PINX1: variants seen among roughly 807,000 people sequenced by gnomAD.
PINX1 encodes the protein PIN2 (TERF1) interacting telomerase inhibitor 1.
In PINX1, 34 loss-of-function variants were observed where a neutral mutation model predicts 25.4. That is an observed-to-expected ratio of 1.34 (90% CI 1.02 to 1.78). The LOEUF (loss-of-function observed/expected upper bound fraction) is 1.78. PINX1 is among the 40% of genes most tolerant of loss of function. PINX1 has a pLI of 0.00. For missense variants in PINX1, 592 were observed against 404.9 expected (o/e 1.46, Z -3.97); for synonymous variants, 197 against 147.7 (o/e 1.33, Z -2.42).
chr8:10,834,068 T>C (rs1271094677), intron 2 of PINX1, among the ~76,000 whole-genome samples: 1 of 152,072 alleles, frequency 6.6e-6, no homozygotes, highest in East Asian at 1.9e-4. Flanking sequence ...GGCAAGGGAA[T>C]GAATGAGATC....
At chr8:10,788,751 AC>A (rs1177830755) in intron 6 of PINX1, among the ~76,000 whole-genome samples, 1 of 152,146 alleles carries the variant, frequency 6.6e-6, no homozygotes, top group Non-Finnish European at 1.5e-5. Flanking sequence ...TTGCAGAAAA[AC>A]AAGGCTGAGA....
chr8:10,837,107 G>A (rs577358601), intron 1 of PINX1, among the ~76,000 whole-genome samples: 1 of 152,222 alleles, frequency 6.6e-6, no homozygotes, highest in East Asian at 1.9e-4. Context: ...CGCAGAACTG[G>A]TAAGAGTGGC....
chr8:10,807,329 C>T (rs1210042384), intron 6 of PINX1, among the ~76,000 whole-genome samples: 12 of 63,502 alleles, frequency 1.9e-4, no homozygotes, highest in Non-Finnish European at 2.5e-5. Context: ...CCCCCCCCAC[C>T]CCCCCCCCCA....
In PINX1 at chr8:10,765,778, C is replaced by T. The variant is rs1319843009; in HGVS notation, c.610G>A (p.Glu204Lys). 7 of 1,613,982 alleles carry T rather than the reference C, an allele frequency of 4.3e-6. No homozygotes were observed. Among genetic ancestry groups the T allele is most frequent in the Non-Finnish European group, 5.9e-6 (7 of 1,179,904 alleles). ...QVPVPGSDISETQVERKRGKK... is the reference protein window; with the variant it reads ...QVPVPGSDISKTQVERKRGKK... The stretch of plus-strand genomic sequence containing the variant: ...CCCCTTTTACGTTCCACCTGCGTCT[C>T]AGAAATGTCAGACCCTGGAACTGGA... The change falls in exon 7 of 7, where the codon GAG (glutamate) becomes AAG (lysine). Residue 204 changes from glutamate to lysine, a missense_variant. Transcript: ENST00000314787.
At chr8:10,793,137 C>T (rs752609241) in intron 6 of PINX1, among the ~76,000 whole-genome samples, 92 of 152,148 alleles carry the variant, frequency 6.0e-4, no homozygotes, top group African/African-American at 2.1e-3. Flanking sequence ...CATGATCTTC[C>T]GCTTGAGGTG....
At chr8:10,775,410 G>GTGTTT (rs1801357479) in intron 6 of PINX1, among the ~76,000 whole-genome samples, 1 of 109,594 alleles carries the variant, frequency 9.1e-6, no homozygotes, top group Non-Finnish European at 1.9e-5. Flanking sequence ...CTGTTTTGTG[G>GTGTTT]TTTTTTTTTT....
intron 6 of PINX1, among the ~76,000 whole-genome samples, chr8:10,794,346 T>G (rs1375260870): frequency 6.6e-6 from 1 of 152,198 alleles, no homozygotes; most frequent in African/African-American, 2.4e-5. Context: ...TAACTTTTGT[T>G]TATTCACAAA....
chr8:10,767,344 G>A (rs13270447), intron 6 of PINX1, among the ~76,000 whole-genome samples: 1 of 151,946 alleles, frequency 6.6e-6, no homozygotes, highest in South Asian at 2.1e-4. Flanking sequence ...ATATTAATAT[G>A]TATCAATGGA....
intron 6 of PINX1, among the ~76,000 whole-genome samples, chr8:10,801,605 C>T (rs1563218834): frequency 6.6e-6 from 1 of 152,194 alleles, no homozygotes; most frequent in Non-Finnish European, 1.5e-5. Flanking sequence ...CCTAGATGGT[C>T]TTTTCCAGCT....
chr8:10,782,046 G>C (rs942566867), intron 6 of PINX1, among the ~76,000 whole-genome samples: 6 of 152,058 alleles, frequency 3.9e-5, no homozygotes, highest in African/African-American at 1.5e-4. Context: ...CCACGACATG[G>C]ATGAACCTAG....
At position 10,804,509 on chromosome 8, in the gene PINX1, T is replaced by TA. The variant is rs1462569386; in HGVS notation, c.471+15683dup. On this transcript the variant is annotated intron_variant, in intron 6 of 6. Transcript: ENST00000314787. The stretch of plus-strand genomic sequence containing the variant: ...TGTGTTAAGGGAGCTGCATCTGTCA[T>TA]ACGCTGGGCACTGCTGACATGGGAC... Among the ~76,000 whole-genome samples, 3 of 152,054 alleles carry TA rather than the reference T, an allele frequency of 2.0e-5. No individual in the cohort carries two copies. In the East Asian group the frequency reaches 5.8e-4, roughly 29 times the overall value.
intron 6 of PINX1, among the ~76,000 whole-genome samples, chr8:10,786,893 C>A (rs1801766553): frequency 6.6e-6 from 1 of 152,156 alleles, no homozygotes; most frequent in Non-Finnish European, 1.5e-5. Context: ...CCACTGTGGA[C>A]CCCTAATGGG....
chr8:10,804,247 C>A (rs1454993399), intron 6 of PINX1, among the ~76,000 whole-genome samples: 1 of 152,192 alleles, frequency 6.6e-6, no homozygotes, highest in Admixed American at 6.5e-5. Flanking sequence ...GTGTTAGCCG[C>A]CGGGGGCAGT....
chr8:10,832,168 A>G (rs6988598), intron 3 of PINX1, among the ~76,000 whole-genome samples: 60,903 of 151,988 alleles, frequency 0.4, 14,210 homozygotes, highest in African/African-American at 0.65. Flanking sequence ...AAAATCTTCT[A>G]ATGACTTGCA....
At chr8:10,823,432 G>C (rs1797936461) in intron 5 of PINX1, among the ~76,000 whole-genome samples, 2 of 151,958 alleles carry the variant, frequency 1.3e-5, no homozygotes, top group South Asian at 2.1e-4. Context: ...TCACCATCCA[G>C]TCAGAAAACC....
chr8:10,830,001 T>A (rs1021653677), intron 4 of PINX1, among the ~76,000 whole-genome samples: 1 of 152,242 alleles, frequency 6.6e-6, no homozygotes, highest in African/African-American at 2.4e-5. Flanking sequence ...GTGTTTCTAC[T>A]GAGTTCAACT....
intron 6 of PINX1, among the ~76,000 whole-genome samples, chr8:10,772,984 TG>T (rs1365080455): frequency 2.0e-5 from 3 of 152,150 alleles, no homozygotes; most frequent in Non-Finnish European, 2.9e-5. Context: ...AACTATTTTA[TG>T]ACATGTAAAA....
Position 10,765,417 on chromosome 8 carries a change from T to G in PINX1, c.971A>C (p.Lys324Thr), listed in dbSNP as rs1269719367. 1.2e-6 allele frequency: 2 copies of G among 1,602,914 alleles called. No homozygotes were observed. The highest frequency in any genetic ancestry group is 2.7e-5 in the African/African-American group (2 of 73,080). ...GGGAAGGATTCATTTGGAATCTTTC[T>G]TCTTCTTCTTTTTCACTAGCGTTTC... is the stretch of plus-strand genomic sequence containing the variant. ...LEETLVKKKK[K>T]KDSK Residue 324 changes from lysine (K) to threonine (T), a missense_variant, in exon 7 of 7, where the codon AAG (lysine) becomes ACG (threonine). Coordinates refer to ENST00000314787, the MANE Select transcript of PINX1 (RefSeq NM_017884.6).
chr8:10,784,560 C>T (rs1451437670), intron 6 of PINX1, among the ~76,000 whole-genome samples: 1 of 152,158 alleles, frequency 6.6e-6, no homozygotes, highest in African/African-American at 2.4e-5. Flanking sequence ...AAGTAGCTTT[C>T]CTAAGTTAGC....
Sources: allele counts gnomAD v4.1 joint callset (sites outside exome capture counted in the v4.1 genomes callset), GRCh38; gene constraint gnomAD v4.1.1; transcripts MANE v1.5; gene names NCBI Gene and HGNC (gene_info 2026-07-23, HGNC 2026-07-21).